MYPN: variants seen among roughly 807,000 people sequenced by gnomAD.
MYPN encodes the protein sarcomeric protein myopalladin, 145 kDa (MYOP).
MYPN carries 63 observed loss-of-function variants against 129.4 expected under a neutral mutation model. That is an observed-to-expected ratio of 0.49 (90% CI 0.40 to 0.60). The LOEUF (loss-of-function observed/expected upper bound fraction) is 0.60. Among genes scored for constraint, MYPN ranks in the 20% least tolerant of loss-of-function variants. MYPN has a pLI of 0.00. For missense variants in MYPN, 1,596 were observed against 1,635.4 expected, an observed-to-expected ratio of 0.98 and a Z score of 0.42; for synonymous variants, 629 against 600.9, an observed-to-expected ratio of 1.05 and a Z score of -0.68.
chr10:68,137,400 A>G lies in MYPN; in HGVS notation c.903-5540A>G, dbSNP rs186726081. On this transcript the variant is annotated intron_variant, in intron 2 of 19. Transcript: ENST00000358913. ...AGGAAATTGTGGCTATTCTTATTTT[A>G]TACCATATTAAAATTAACTAGCAGT... is the stretch of plus-strand genomic sequence containing the variant. Among the ~76,000 whole-genome samples, 450 of 152,312 alleles carry G rather than the reference A, an allele frequency of 3.0e-3. 4 individuals carry two copies. The highest frequency in any genetic ancestry group is 0.011 in the African/African-American group (437 of 41,566).
chr10:68,121,595 G>A lies in MYPN; in HGVS notation c.157G>A (p.Gly53Arg). The change falls in exon 2 of 20, where the codon GGA (glycine) becomes AGA (arginine). Residue 53 changes from glycine (G) to arginine (R), a missense_variant. By Grantham distance (125) the Gly-to-Arg change is moderately radical (BLOSUM62 -2). Coordinates refer to ENST00000358913, the MANE Select transcript of MYPN (RefSeq NM_032578.4). ...HFGSPSGAAEGGGGQDDLPDL... is the reference protein window; with the variant it reads ...HFGSPSGAAERGGGQDDLPDL... ...CGGCAGTCCTTCTGGGGCCGCTGAA[G>A]GAGGCGGAGGCCAAGATGACCTTCC... is the stretch of plus-strand genomic sequence containing the variant. 6.2e-7 allele frequency: 1 copy of A among 1,614,228 alleles called. No homozygotes were observed. Among genetic ancestry groups the A allele is most frequent in the Non-Finnish European group, 8.5e-7 (1 of 1,180,036 alleles).
chr10:68,158,155 A>G (rs1014364782), intron 6 of MYPN: 2 of 266,874 alleles, frequency 7.5e-6, no homozygotes, highest in Admixed American at 9.7e-5. Flanking sequence ...CAGGCTGGCT[A>G]TGCGGGTGCC....
chr10:68,168,475 G>A (rs560511180), intron 10 of MYPN, among the ~76,000 whole-genome samples: 18 of 152,256 alleles, frequency 1.2e-4, no homozygotes, highest in African/African-American at 4.3e-4. Context: ...GAGTGACTGC[G>A]GCCCAGGGAA....
At chr10:68,108,018 C>T (rs923452374), upstream of MYPN, among the ~76,000 whole-genome samples, 2 of 152,130 alleles carry the variant, frequency 1.3e-5, no homozygotes, top group Non-Finnish European at 2.9e-5. Flanking sequence ...AAATTGTTGG[C>T]ATATCCACAT....
chr10:68,122,833 C>A (rs1392364287), intron 2 of MYPN, among the ~76,000 whole-genome samples: 1 of 151,856 alleles, frequency 6.6e-6, no homozygotes, highest in Non-Finnish European at 1.5e-5. Context: ...ACCCGGGAGA[C>A]GGAGGTTGCG....
upstream of MYPN, chr10:68,106,848 C>T (rs562497842): frequency 1.4e-6 from 1 of 715,260 alleles, no homozygotes; most frequent in East Asian, 2.7e-5. Flanking sequence ...AAGAAAACAG[C>T]TGAAGGCAAG....
At chr10:68,114,823 T>C (rs1198754739) in intron 1 of MYPN, among the ~76,000 whole-genome samples, 1 of 152,236 alleles carries the variant, frequency 6.6e-6, no homozygotes. Flanking sequence ...TGATGCCACA[T>C]TAATTGTTTC....
intron 6 of MYPN, among the ~76,000 whole-genome samples, chr10:68,152,964 T>TTTATG: frequency 7.1e-6 from 1 of 141,824 alleles, no homozygotes; most frequent in Non-Finnish European, 1.6e-5. Context: ...GTTATTTTAT[T>TTTATG]TTATTTTATT....
At chr10:68,178,966 C>A (rs2134217976) in intron 12 of MYPN, among the ~76,000 whole-genome samples, 1 of 151,852 alleles carries the variant, frequency 6.6e-6, no homozygotes, top group African/African-American at 2.4e-5. Flanking sequence ...CCTCTCACAC[C>A]CCCTGCTTTT....
At chr10:68,126,105 T>A (rs1052763542) in intron 2 of MYPN, among the ~76,000 whole-genome samples, 3 of 152,004 alleles carry the variant, frequency 2.0e-5, no homozygotes, top group African/African-American at 7.3e-5. Context: ...AGTGCAAAGC[T>A]CCCGAGGCAA....
chr10:68,097,492 T>G (rs769724602), intron 1 of MYPN, among the ~76,000 whole-genome samples: 2 of 152,212 alleles, frequency 1.3e-5, no homozygotes, highest in Non-Finnish European at 2.9e-5. Context: ...TATATTTTTA[T>G]AATAGTAATG....
At chr10:68,100,514 A>G (rs1031450981) in intron 1 of MYPN, among the ~76,000 whole-genome samples, 2 of 152,258 alleles carry the variant, frequency 1.3e-5, no homozygotes, top group African/African-American at 4.8e-5. Context: ...GTCATGAAGC[A>G]CAAAACTCAT....
In MYPN at chr10:68,195,488, T is replaced by C; in HGVS notation, c.3114T>C (p.Ser1038=). The stretch of plus-strand genomic sequence containing the variant: ...GTTCTGGCCACTTGATGGTACAAAG[T>C]TTGCCCATTCGCAGTCGGCTAACCT... ...ISCSGHLMVQ[S]LPIRSRLTSA... Residue 1038 remains serine, a synonymous_variant, in exon 15 of 20, where the codon AGT becomes AGC. Transcript: ENST00000358913. 6.2e-7 allele frequency: 1 copy of C among 1,614,072 alleles called. No individual in the cohort carries two copies. Among genetic ancestry groups the C allele is most frequent in the Non-Finnish European group, 8.5e-7 (1 of 1,179,968 alleles).
intron 1 of MYPN, among the ~76,000 whole-genome samples, chr10:68,093,574 TAA>T (rs34247732): frequency 0.027 from 2,906 of 106,762 alleles, 103 homozygotes; most frequent in African/African-American, 0.088. Context: ...CCATCTCTAC[TAA>T]AAAAAAAAAA....
At chr10:68,098,972 G>A (rs186728954) in intron 1 of MYPN, among the ~76,000 whole-genome samples, 4 of 152,210 alleles carry the variant, frequency 2.6e-5, no homozygotes, top group East Asian at 1.9e-4. Flanking sequence ...CATATGTTTC[G>A]ATGAACATAT....
intron 1 of MYPN, among the ~76,000 whole-genome samples, chr10:68,114,835 T>C (rs2042132715): frequency 6.6e-6 from 1 of 152,246 alleles, no homozygotes; most frequent in Non-Finnish European, 1.5e-5. Context: ...AATTGTTTCA[T>C]TTCCAATCTG....
chr10:68,095,638 A>G (rs988934661), intron 1 of MYPN, among the ~76,000 whole-genome samples: 4 of 152,222 alleles, frequency 2.6e-5, no homozygotes, highest in Admixed American at 6.5e-5. Context: ...ATCTTCCCCT[A>G]AGTTTTCTTT....
At chr10:68,147,084 C>G (rs1218363874) in intron 4 of MYPN, among the ~76,000 whole-genome samples, 1 of 152,118 alleles carries the variant, frequency 6.6e-6, no homozygotes, top group Non-Finnish European at 1.5e-5. Flanking sequence ...GAGTAAGCAC[C>G]ATTCTAAACA....
rs1416218042 is a variant in MYPN at position 68,211,701 on chromosome 10, G to C, written c.*1246G>C. On this transcript the variant is annotated 3_prime_UTR_variant, in exon 20 of 20. Coordinates refer to ENST00000358913, the MANE Select transcript of MYPN (RefSeq NM_032578.4). ...TTCAATAAATATTTGCTGGTTGAAT[G>C]AATCTTCTGTTATTATGTCTATTAT... is the stretch of plus-strand genomic sequence containing the variant. 2 of 454,110 alleles carry C rather than the reference G, an allele frequency of 4.4e-6. No homozygotes were observed. Among genetic ancestry groups the C allele is most frequent in the African/African-American group, 4.0e-5 (2 of 50,122 alleles). 28.1% of individuals were successfully genotyped at this position (454,110 alleles called of 1,614,324 possible).
Sources: allele counts gnomAD v4.1 joint callset (sites outside exome capture counted in the v4.1 genomes callset), GRCh38; gene constraint gnomAD v4.1.1; transcripts MANE v1.5; gene names NCBI Gene and HGNC (gene_info 2026-07-23, HGNC 2026-07-21).